The following TGFBI variants were observed in gnomAD, a reference collection of about 807,000 sequenced individuals.
The protein encoded by TGFBI is transforming growth factor beta induced.
TGFBI carries 50 observed loss-of-function variants against 73.7 expected under a neutral mutation model. The ratio of observed to expected loss-of-function variants is 0.68; its 90% CI spans 0.54 to 0.86. The LOEUF (loss-of-function observed/expected upper bound fraction) is 0.86, where lower values mean the gene tolerates loss of function less well. TGFBI is among the 40% of genes least tolerant of loss of function. The probability of loss-of-function intolerance (pLI) is 0.00; values close to 1 mark genes in which losing one functional copy is unlikely to be tolerated. For missense variants in TGFBI, 839 were observed against 877.0 expected (o/e 0.96, Z 0.55); for synonymous variants, 362 against 360.5 (o/e 1.00, Z -0.05).
At chr5:136,058,951 C>A in intron 12 of TGFBI, 139 bp from the exon 13 acceptor site, 1 of 1,079,332 alleles carries the variant, frequency 9.3e-7, no homozygotes, top group African/African-American at 1.6e-5. Flanking sequence ...ACAGTGGGAG[C>A]TTAATAAGTG....
intron 12 of TGFBI, among the ~76,000 whole-genome samples, chr5:136,057,286 G>A (rs1212367330): frequency 6.6e-6 from 1 of 152,198 alleles, no homozygotes; most frequent in African/African-American, 2.4e-5. Flanking sequence ...GCTGCGACCA[G>A]CCCAGTCACT....
Position 136,059,161 on chromosome 5 carries a change from G to C in TGFBI, c.1750G>C (p.Gly584Arg). The C allele has an allele frequency of 6.2e-7, 1 of 1,610,796 alleles. No individual in the cohort carries two copies. The highest frequency in any genetic ancestry group is 1.1e-5 in the South Asian group (1 of 89,994). ...GDEILVSGGI[G>R]ALVRLKSLQG... ...TGAAATCCTGGTTAGCGGAGGCATC[G>C]GGGCCCTGGTGCGGCTAAAGTCTCT... The change falls in exon 13 of 17, where the codon GGG (glycine) becomes CGG (arginine). Residue 584 changes from glycine (G) to arginine (R), a missense_variant. Transcript: ENST00000442011.
chr5:136,052,834 G>A (rs1207904046), intron 7 of TGFBI, 73 bp from the exon 8 acceptor site: 1 of 1,427,332 alleles, frequency 7.0e-7, no homozygotes, highest in Non-Finnish European at 9.7e-7. Flanking sequence ...TCACAGCATG[G>A]GCAGGCTGCA....
At chr5:136,032,901 C>T (rs1417734807) in intron 1 of TGFBI, among the ~76,000 whole-genome samples, 1 of 152,120 alleles carries the variant, frequency 6.6e-6, no homozygotes, top group African/African-American at 2.4e-5. Flanking sequence ...CTGGAAAAGG[C>T]TTCTTAGCAG....
In TGFBI at chr5:136,029,106, C is replaced by T; in HGVS notation, c.51C>T (p.Gly17=). The T allele has an allele frequency of 2.0e-6, 3 of 1,526,246 alleles. No individual in the cohort carries two copies. The highest frequency in any genetic ancestry group is 2.6e-6 in the Non-Finnish European group (3 of 1,143,610). The allele number at this position is 1,526,246 out of a possible 1,614,324, so 94.5% of individuals were successfully genotyped here. ...CTCTCGCCCTGGCTCTGGCCCTGGGCCCCGCCGCGACCCTGGCGGGTCCCG... is the reference window on the plus strand; with the variant it reads ...CTCTCGCCCTGGCTCTGGCCCTGGGTCCCGCCGCGACCCTGGCGGGTCCCG... ...LLALALALAL[G]PAATLAGPAK... Residue 17 remains glycine (G), a synonymous_variant, in exon 1 of 17, where the codon GGC becomes GGT. Transcript: ENST00000442011.
chr5:136,047,260 G>A lies in TGFBI; in HGVS notation c.625-14G>A, dbSNP rs756255698. On this transcript the variant is annotated splice_polypyrimidine_tract_variant and intron_variant, in intron 5 of 16. Transcript: ENST00000442011. ...GTTGTGTTGACTGCTCATCCTTGCT[G>A]CTTCTCTGGGCAGATTGTAACTGTG... is the stretch of plus-strand genomic sequence containing the variant. 6.2e-7 allele frequency: 1 copy of A among 1,613,132 alleles called. No individual in the cohort carries two copies. Among genetic ancestry groups the A allele is most frequent in the Non-Finnish European group, 8.5e-7 (1 of 1,179,410 alleles).
intron 2 of TGFBI, among the ~76,000 whole-genome samples, chr5:136,035,345 C>T (rs374612072): frequency 3.3e-5 from 5 of 152,128 alleles, no homozygotes; most frequent in Admixed American, 6.5e-5. Flanking sequence ...AAAGATGGGC[C>T]GGGCACAGTG....
At chr5:136,033,615 C>A in intron 1 of TGFBI, 148 bp from the exon 2 acceptor site, 1 of 644,198 alleles carries the variant, frequency 1.6e-6, no homozygotes, top group South Asian at 2.2e-5. Context: ...AAGTCTAAAC[C>A]CAAGATATCC....
At chr5:136,036,266 T>C (rs921113381) in intron 2 of TGFBI, among the ~76,000 whole-genome samples, 1 of 152,210 alleles carries the variant, frequency 6.6e-6, no homozygotes, top group Non-Finnish European at 1.5e-5. Context: ...CAAAGCCCGA[T>C]GCCCAGTCCC....
chr5:136,033,506 T>C (rs973195308), intron 1 of TGFBI, among the ~76,000 whole-genome samples: 4 of 152,180 alleles, frequency 2.6e-5, no homozygotes, highest in Non-Finnish European at 4.4e-5. Context: ...CAAAGAAGGA[T>C]ATGTACATGA....
intron 9 of TGFBI, 130 bp from the exon 10 acceptor site, chr5:136,054,586 T>G: frequency 8.5e-7 from 1 of 1,182,406 alleles, no homozygotes; most frequent in Non-Finnish European, 1.3e-6. Context: ...TATTGGCAGC[T>G]TCACTTGGTT....
chr5:136,032,004 C>T (rs1751129781), intron 1 of TGFBI, among the ~76,000 whole-genome samples: 1 of 152,162 alleles, frequency 6.6e-6, no homozygotes, highest in African/African-American at 2.4e-5. Context: ...AATTCATTGA[C>T]AGTAATTGTT....
In TGFBI at chr5:136,058,960, T is replaced by G; in HGVS notation, c.1679-130T>G. 2.5e-6 allele frequency: 3 copies of G among 1,177,992 alleles called. No homozygotes were observed. In the South Asian group the frequency reaches 4.7e-5, roughly 19 times the overall value. 73.0% of individuals were successfully genotyped at this position (1,177,992 alleles called of 1,614,324 possible). A position where few individuals can be genotyped will look rare whatever the true frequency, so the allele number is the denominator to read the frequency against. On this transcript the variant is annotated intron_variant, in intron 12 of 16. Transcript: ENST00000442011. ...GAGTATACAGTGGGAGCTTAATAAG[T>G]GCTTATTCCCTGGGCAGGGAGTTCT...
chr5:136,061,657 C>A (rs554126008), intron 15 of TGFBI, 78 bp downstream of exon 15: 2 of 1,213,966 alleles, frequency 1.6e-6, no homozygotes, highest in Non-Finnish European at 2.4e-6. Context: ...GCCTCTCCAG[C>A]CCCTGTCTTC....
chr5:136,056,843 C>G, intron 12 of TGFBI, 48 bp downstream of exon 12: 1 of 1,556,582 alleles, frequency 6.4e-7, no homozygotes, highest in African/African-American at 1.4e-5. Context: ...AAGTAGTGAT[C>G]CCTCAGGGCC....
intron 16 of TGFBI, 89 bp downstream of exon 16, chr5:136,062,776 T>C (rs1751774053): frequency 7.3e-7 from 1 of 1,377,270 alleles, no homozygotes; most frequent in South Asian, 1.3e-5. Flanking sequence ...TGTATATAGA[T>C]AAGAACATCA....
At chr5:136,061,478 C>T in intron 14 of TGFBI, 22 bp from the exon 15 acceptor site, 1 of 1,575,492 alleles carries the variant, frequency 6.3e-7, no homozygotes, top group Non-Finnish European at 8.6e-7. Flanking sequence ...CTGGTCAAAC[C>T]TGCCTTTTCT....
chr5:136,047,003 C>G lies in TGFBI; in HGVS notation c.612C>G (p.His204Gln). The G allele has an allele frequency of 1.2e-6, 2 of 1,612,496 alleles. No individual in the cohort carries two copies. Among genetic ancestry groups the G allele is most frequent in the Non-Finnish European group, 1.7e-6 (2 of 1,179,818 alleles). The change falls in exon 5 of 17, where the codon CAC becomes CAG. Residue 204 changes from histidine (H) to glutamine (Q), a missense_variant. Transcript: ENST00000442011. ...MYQNSNIQIH[H>Q]YPNGIVTVNC... The stretch of plus-strand genomic sequence containing the variant: ...AGAATTCCAACATCCAGATCCACCA[C>G]TATCCTAATGGGGTAGGGGATCCCC...
chr5:136,029,452 CCAAGAGCCTGAGACGGACAGCG>C (rs2126900277), intron 1 of TGFBI, among the ~76,000 whole-genome samples: 1 of 152,276 alleles, frequency 6.6e-6, no homozygotes, highest in African/African-American at 2.4e-5. Context: ...TCGACGCAGG[CCAAGAGCCTGAGACGGACAGCG>C]CTTTCAGCTT....
Sources: gnomAD v4.1 joint callset for allele counts (sites outside exome capture counted in the v4.1 genomes callset) on GRCh38, gnomAD v4.1.1 for gene constraint, MANE v1.5 for transcripts, NCBI Gene and HGNC (gene_info 2026-07-23, HGNC 2026-07-21) for gene names.